TMEM39A: variants seen among roughly 807,000 people sequenced by gnomAD.
TMEM39A encodes suppressor of SQST-1 aggregates in rpl-43 mutants.
Under a neutral mutation model 51.9 loss-of-function variants are expected in TMEM39A, and 19 were observed. The observed-to-expected ratio is 0.37, with a 90% CI of 0.26 to 0.54. TMEM39A has a LOEUF of 0.54. TMEM39A is among the 20% of genes least tolerant of loss of function. The pLI is 0.88. For synonymous variants in TMEM39A, 197 were observed against 220.2 expected (o/e 0.89, Z 0.93); for missense variants, 433 against 590.5 (o/e 0.73, Z 2.76).
chr3:119,452,767 T>C (rs922941111), intron 3 of TMEM39A, among the ~76,000 whole-genome samples: 4 of 152,222 alleles, frequency 2.6e-5, no homozygotes, highest in Non-Finnish European at 5.9e-5. Flanking sequence ...TTCCTCTCCC[T>C]TTTCAAAAGT....
chr3:119,463,382 G>A lies in TMEM39A; in HGVS notation c.-121C>T. 2.6e-6 allele frequency: 1 copy of A among 389,582 alleles called. No individual in the cohort carries two copies. Among genetic ancestry groups the A allele is most frequent in the East Asian group, 3.6e-5 (1 of 27,414 alleles). 24.1% of individuals were successfully genotyped at this position (389,582 alleles called of 1,614,324 possible). Reference sequence around the variant, plus strand: ...TGGGGCGGGGTCCCTAGAAAGCGGCGACAACTTTACAGACTGGACCCCAGG... The same window carrying A: ...TGGGGCGGGGTCCCTAGAAAGCGGCAACAACTTTACAGACTGGACCCCAGG... On this transcript the variant is annotated 5_prime_UTR_variant, in exon 1 of 9. Coordinates refer to ENST00000319172, the MANE Select transcript of TMEM39A (RefSeq NM_018266.3).
intron 1 of TMEM39A, among the ~76,000 whole-genome samples, 196 bp from the exon 2 acceptor site, chr3:119,462,344 G>A (rs1319976385): frequency 6.6e-6 from 1 of 152,100 alleles, no homozygotes; most frequent in Non-Finnish European, 1.5e-5. Context: ...TCTGATCTAA[G>A]CTCTGTTCAG....
At chr3:119,442,286 T>C (rs138358792) in intron 5 of TMEM39A, among the ~76,000 whole-genome samples, 3,158 of 149,600 alleles carry the variant, frequency 0.021, 102 homozygotes, top group African/African-American at 0.073. Context: ...GAGGTTGCAG[T>C]GAGCTGAGAT....
At chr3:119,457,814 C>A (rs2081285351) in intron 3 of TMEM39A, among the ~76,000 whole-genome samples, 1 of 152,196 alleles carries the variant, frequency 6.6e-6, no homozygotes, top group African/African-American at 2.4e-5. Flanking sequence ...TCTGCATTTT[C>A]ATTTATATTT....
chr3:119,462,400 C>A (rs1272435626), intron 1 of TMEM39A, among the ~76,000 whole-genome samples: 1 of 152,096 alleles, frequency 6.6e-6, no homozygotes, highest in East Asian at 1.9e-4. Context: ...TGATTTGTAT[C>A]ATCTGTAAGA....
intron 2 of TMEM39A, among the ~76,000 whole-genome samples, chr3:119,458,773 TA>T (rs1330196495): frequency 6.6e-6 from 1 of 152,148 alleles, no homozygotes; most frequent in Non-Finnish European, 1.5e-5. Context: ...TGGACACCTG[TA>T]ATTCCAGCTA....
rs1188522046 is a variant in TMEM39A, at chr3:119,429,609, A to G, written c.*2372T>C. On this transcript the variant is annotated 3_prime_UTR_variant, in exon 9 of 9. Transcript: ENST00000319172. ...TAATAGGATATCCGGGTAACTAGTA[A>G]TTTTTCTCTCTTCCATGAACGTGGC... 1 of 152,056 alleles carries G rather than the reference A, an allele frequency of 6.6e-6. No homozygotes were observed. Among genetic ancestry groups the G allele is most frequent in the Non-Finnish European group, 1.5e-5 (1 of 67,982 alleles). The allele number at this position is 152,056 out of a possible 1,614,324, so 9.4% of individuals were successfully genotyped here.
Position 119,430,090 on chromosome 3 carries a change from A to G in TMEM39A, c.*1891T>C, listed in dbSNP as rs1362611413. ...TCAAGATCCTACAGAAAGAATAGAA[A>G]GATGGCAGATTCCCTACCCTTCCCA... On this transcript the variant is annotated 3_prime_UTR_variant, in exon 9 of 9. Coordinates refer to ENST00000319172, the MANE Select transcript of TMEM39A (RefSeq NM_018266.3). 2 of 152,146 alleles carry G rather than the reference A, an allele frequency of 1.3e-5. No homozygotes were observed. The highest frequency in any genetic ancestry group is 2.9e-5 in the Non-Finnish European group (2 of 68,004). The allele number at this position is 152,146 out of a possible 1,614,324, so 9.4% of individuals were successfully genotyped here. A position where few individuals can be genotyped will look rare whatever the true frequency, so the allele number is the denominator to read the frequency against.
intron 5 of TMEM39A, among the ~76,000 whole-genome samples, chr3:119,439,050 T>C (rs1307900337): frequency 6.6e-6 from 1 of 152,150 alleles, no homozygotes; most frequent in Non-Finnish European, 1.5e-5. Context: ...AACTTCTCAT[T>C]AATAAAAAAA....
chr3:119,457,568 G>T (rs2081282576), intron 3 of TMEM39A, among the ~76,000 whole-genome samples: 2 of 152,322 alleles, frequency 1.3e-5, no homozygotes, highest in South Asian at 4.1e-4. Flanking sequence ...CATGTTGGAA[G>T]ACAGTAGAAT....
At chr3:119,441,546 A>G (rs911406853) in intron 5 of TMEM39A, among the ~76,000 whole-genome samples, 3 of 152,250 alleles carry the variant, frequency 2.0e-5, no homozygotes, top group African/African-American at 4.8e-5. Context: ...GCTACAGAAG[A>G]AACGTATGAA....
chr3:119,454,136 G>A (rs2081235128), intron 3 of TMEM39A, among the ~76,000 whole-genome samples: 1 of 152,236 alleles, frequency 6.6e-6, no homozygotes, highest in South Asian at 2.1e-4. Context: ...GAAGGCTGGA[G>A]TGAGATAATT....
At chr3:119,460,450 C>T (rs573707068) in intron 2 of TMEM39A, among the ~76,000 whole-genome samples, 25 of 152,152 alleles carry the variant, frequency 1.6e-4, no homozygotes, top group African/African-American at 5.8e-4. Flanking sequence ...AATAGCAGAA[C>T]GCTTTATTTT....
chr3:119,451,458 T>A (rs1378368398), intron 4 of TMEM39A: 2 of 453,158 alleles, frequency 4.4e-6, no homozygotes. Context: ...CATTTTTTGT[T>A]TTTGTAATCA....
rs1167743400 is a variant in TMEM39A, at chr3:119,431,259, T to G, written c.*722A>C. 2 of 152,114 alleles carry G rather than the reference T, an allele frequency of 1.3e-5. No individual in the cohort carries two copies. The highest frequency in any genetic ancestry group is 2.9e-5 in the Non-Finnish European group (2 of 67,998). The allele number at this position is 152,114 out of a possible 1,614,324, so 9.4% of individuals were successfully genotyped here. A position where few individuals can be genotyped will look rare whatever the true frequency, so the allele number is the denominator to read the frequency against. On this transcript the variant is annotated 3_prime_UTR_variant, in exon 9 of 9. Coordinates refer to ENST00000319172, the MANE Select transcript of TMEM39A (RefSeq NM_018266.3). ...ATCCAGCCACACATCATCTTCTTCA[T>G]GAATGTGGGCAGTCTAAAGACTTCC...
intron 2 of TMEM39A, among the ~76,000 whole-genome samples, chr3:119,459,109 T>A (rs6438529): frequency 0.83 from 126,630 of 152,086 alleles, 52,992 homozygotes; most frequent in African/African-American, 0.91. Flanking sequence ...CCAAAAAGAA[T>A]GCAGGTGTTC....
At position 119,436,857 on chromosome 3, in the gene TMEM39A, G is replaced by C; in HGVS notation, c.1046C>G (p.Ser349Ter). Residue 349 changes from serine (S) to a stop codon, truncating the protein, a stop_gained, in exon 7 of 9, where the codon TCA becomes TGA. Transcript: ENST00000319172. LOFTEE classifies it high-confidence loss of function. Reference protein sequence around the residue: ...PSKYCDLLHKSAAHLGKWQKL... With the variant: ...PSKYCDLLHK ...CTGCCACTTGCCCAGGTGAGCAGCT[G>C]ATTTATGTAGCAAATCACAGTATTT... 6.2e-7 allele frequency: 1 copy of C among 1,614,064 alleles called. No individual in the cohort carries two copies. The highest frequency in any genetic ancestry group is 8.5e-7 in the Non-Finnish European group (1 of 1,179,956).
intron 3 of TMEM39A, among the ~76,000 whole-genome samples, chr3:119,457,065 G>A (rs998975537): frequency 6.6e-6 from 1 of 151,826 alleles, no homozygotes; most frequent in Non-Finnish European, 1.5e-5. Context: ...CCACCTCCCG[G>A]GTTCATGCCA....
At position 119,455,445 on chromosome 3, in the gene TMEM39A, G is replaced by C. The variant is rs1241039048; in HGVS notation, c.336+2573C>G. On this transcript the variant is annotated intron_variant, in intron 3 of 8. Coordinates refer to ENST00000319172, the MANE Select transcript of TMEM39A (RefSeq NM_018266.3). ...CTACTCTACAACCTCCATTAAGTGTGCGTTCCTCTACTGCAGAGGCTGGAA... is the reference window on the plus strand; with the variant it reads ...CTACTCTACAACCTCCATTAAGTGTCCGTTCCTCTACTGCAGAGGCTGGAA... Among the ~76,000 whole-genome samples, 4 of 152,202 alleles carry C rather than the reference G, an allele frequency of 2.6e-5. No homozygotes were observed. The East Asian group carries it at 7.7e-4, about 29-fold the overall frequency.
Sources: allele counts gnomAD v4.1 joint callset (sites outside exome capture counted in the v4.1 genomes callset), GRCh38; gene constraint gnomAD v4.1.1; transcripts MANE v1.5; gene names NCBI Gene and HGNC (gene_info 2026-07-23, HGNC 2026-07-21).